PDE1C: variants seen among roughly 807,000 people sequenced by gnomAD.
The protein encoded by PDE1C is phosphodiesterase 1C.
Under a neutral mutation model 93.1 loss-of-function variants are expected in PDE1C, and 62 were observed. That is an observed-to-expected ratio of 0.67 (90% CI 0.54 to 0.82). PDE1C has a LOEUF of 0.82. Among genes scored for constraint, PDE1C ranks in the 40% least tolerant of loss-of-function variants. PDE1C has a pLI of 0.00. For synonymous variants in PDE1C, 325 were observed against 310.1 expected (o/e 1.05, Z -0.50); for missense variants, 742 against 884.6 (o/e 0.84, Z 2.04).
chr7:32,107,683 T>C (rs1273803421), intron 3 of PDE1C, among the ~76,000 whole-genome samples: 1 of 152,090 alleles, frequency 6.6e-6, no homozygotes, highest in Non-Finnish European at 1.5e-5. Flanking sequence ...AAGAAAATTA[T>C]GCAAGTCAAA....
the PDE1C span, among the ~76,000 whole-genome samples, chr7:31,672,624 C>A: frequency 6.6e-6 from 1 of 151,266 alleles, no homozygotes; most frequent in East Asian, 1.9e-4. Context: ...CTATTAAGTA[C>A]ATTTTGGGGA....
the PDE1C span, among the ~76,000 whole-genome samples, chr7:31,698,571 G>C: frequency 3.7e-4 from 56 of 152,300 alleles, 1 homozygote; most frequent in African/African-American, 1.3e-3. Context: ...AGTACAAGGA[G>C]TTTAGGACAT....
chr7:32,112,865 T>TATATAC (rs1554506010), intron 3 of PDE1C, among the ~76,000 whole-genome samples: 5 of 144,788 alleles, frequency 3.5e-5, no homozygotes, highest in African/African-American at 1.3e-4. Context: ...TATATATATA[T>TATATAC]ATATATATCT....
At chr7:31,972,891 C>T (rs1164356353) in intron 2 of PDE1C, among the ~76,000 whole-genome samples, 1 of 152,104 alleles carries the variant, frequency 6.6e-6, no homozygotes, top group Non-Finnish European at 1.5e-5. Flanking sequence ...TCTTCTGCCT[C>T]CAAATTTGGT....
intron 2 of PDE1C, among the ~76,000 whole-genome samples, chr7:32,045,672 G>T (rs1792451712): frequency 6.6e-6 from 1 of 152,112 alleles, no homozygotes; most frequent in Non-Finnish European, 1.5e-5. Flanking sequence ...GCAAAGGTAG[G>T]GGACAACAGT....
intron 2 of PDE1C, among the ~76,000 whole-genome samples, chr7:32,036,907 G>A (rs1333492454): frequency 6.6e-6 from 1 of 152,122 alleles, no homozygotes; most frequent in Non-Finnish European, 1.5e-5. Context: ...CTTTAGAGTG[G>A]GTGGGGTGGG....
intron 11 of PDE1C, among the ~76,000 whole-genome samples, chr7:31,836,033 C>T (rs1409818044): frequency 2.6e-5 from 4 of 152,200 alleles, no homozygotes; most frequent in Non-Finnish European, 5.9e-5. Flanking sequence ...AATCAGAAGT[C>T]TCTGAATCCA....
At chr7:32,286,289 C>T (rs1052538615) in intron 1 of PDE1C, among the ~76,000 whole-genome samples, 1 of 152,214 alleles carries the variant, frequency 6.6e-6, no homozygotes, top group African/African-American at 2.4e-5. Flanking sequence ...TGACATGTCC[C>T]ATGCATAATC....
chr7:31,878,553 G>A (rs193015108), intron 4 of PDE1C, among the ~76,000 whole-genome samples: 140 of 152,296 alleles, frequency 9.2e-4, no homozygotes, highest in Middle Eastern at 3.4e-3. Context: ...GCTGGGTAAG[G>A]AGGTCAATTT....
chr7:31,983,902 C>T (rs562913037), intron 2 of PDE1C, among the ~76,000 whole-genome samples: 4 of 152,196 alleles, frequency 2.6e-5, no homozygotes, highest in South Asian at 4.1e-4. Context: ...TGAATCCAGG[C>T]CTGACCATAT....
At chr7:32,138,806 AT>A (rs771690227) in intron 3 of PDE1C, among the ~76,000 whole-genome samples, 3 of 152,162 alleles carry the variant, frequency 2.0e-5, no homozygotes, top group Admixed American at 6.5e-5. Context: ...CATTTTTATC[AT>A]TTTTTTCATC....
intron 2 of PDE1C, among the ~76,000 whole-genome samples, chr7:32,208,015 T>C (rs918843091): frequency 2.0e-5 from 3 of 152,186 alleles, no homozygotes; most frequent in African/African-American, 7.2e-5. Context: ...TTCAACCTCG[T>C]TGAGCTGTGG....
chr7:31,927,630 C>T (rs1803577616), intron 2 of PDE1C, among the ~76,000 whole-genome samples: 1 of 152,170 alleles, frequency 6.6e-6, no homozygotes, highest in Non-Finnish European at 1.5e-5. Context: ...TTTCTGCAGC[C>T]TCCGCTGGTG....
At chr7:31,682,127 T>C in the PDE1C span, among the ~76,000 whole-genome samples, 4 of 152,180 alleles carry the variant, frequency 2.6e-5, no homozygotes, top group African/African-American at 9.7e-5. Flanking sequence ...ATGATAACAA[T>C]AGTACCTACC....
intron 3 of PDE1C, among the ~76,000 whole-genome samples, chr7:32,146,037 G>T (rs1800813189): frequency 6.6e-6 from 1 of 152,148 alleles, no homozygotes; most frequent in Non-Finnish European, 1.5e-5. Context: ...AATAAGAAGG[G>T]GTAGTTAGCA....
At position 32,307,945 on chromosome 7, in the gene PDE1C, G is replaced by A. The variant is rs533310413; in HGVS notation, c.311-98406C>T. Among the ~76,000 whole-genome samples, 102 of 152,338 alleles carry A rather than the reference G, an allele frequency of 6.7e-4. 1 individual carries two copies. In the South Asian group the frequency reaches 0.014, roughly 20 times the overall value. On this transcript the variant is annotated intron_variant, in intron 1 of 1. Transcript: ENST00000672256. Reference sequence around the variant, plus strand: ...CAGGGCGAGGCATTGTCTCACTTGGGAAGTGCAAGGGGTCGGGGAGTTCCC... The same window carrying A: ...CAGGGCGAGGCATTGTCTCACTTGGAAAGTGCAAGGGGTCGGGGAGTTCCC...
At position 31,935,823 on chromosome 7, in the gene PDE1C, AC is replaced by A. The variant is rs1804972458; in HGVS notation, c.129-54964del. Among the ~76,000 whole-genome samples, 3 of 151,800 alleles carry A rather than the reference AC, an allele frequency of 2.0e-5. No homozygotes were observed. In the South Asian group the frequency reaches 6.2e-4, roughly 32 times the overall value. ...CTCTTATTTATCAGGGTCTAACGTC[AC>A]CAAGCAGCAGCTGAAAGGAAAGGAA... On this transcript the variant is annotated intron_variant, in intron 2 of 17. Transcript: ENST00000396191.
chr7:31,739,164 T>G, the PDE1C span, among the ~76,000 whole-genome samples: 1 of 150,978 alleles, frequency 6.6e-6, no homozygotes, highest in Non-Finnish European at 1.5e-5. Context: ...TCCTGTTCAC[T>G]AAAACGTCAG....
the PDE1C span, among the ~76,000 whole-genome samples, chr7:31,737,652 A>G: frequency 6.6e-6 from 1 of 151,980 alleles, no homozygotes; most frequent in Non-Finnish European, 1.5e-5. Flanking sequence ...AAATACAAAA[A>G]TTAGCTAGGT....
Sources: gnomAD v4.1 joint callset for allele counts (sites outside exome capture counted in the v4.1 genomes callset) on GRCh38, gnomAD v4.1.1 for gene constraint, MANE v1.5 for transcripts, NCBI Gene and HGNC (gene_info 2026-07-23, HGNC 2026-07-21) for gene names.